GPC5: variants seen among roughly 807,000 people sequenced by gnomAD.
GPC5 encodes glypican 5, also known as glypican-5.
In GPC5, 47 loss-of-function variants were observed where a neutral mutation model predicts 53.9. That is an observed-to-expected ratio of 0.87 (90% CI 0.69 to 1.11). The LOEUF (loss-of-function observed/expected upper bound fraction) is 1.11, where lower values mean the gene tolerates loss of function less well. Ranked by LOEUF, GPC5 falls within the 50% of genes most tolerant of loss-of-function variation. The probability of loss-of-function intolerance (pLI) is 0.00; values close to 1 mark genes in which losing one functional copy is unlikely to be tolerated. For missense variants in GPC5, 748 were observed against 713.1 expected (o/e 1.05, Z -0.56); for synonymous variants, 286 against 263.3 (o/e 1.09, Z -0.84).
chr13:92,380,372 G>A (rs972298898), intron 7 of GPC5, among the ~76,000 whole-genome samples: 1 of 152,138 alleles, frequency 6.6e-6, no homozygotes, highest in Non-Finnish European at 1.5e-5. Flanking sequence ...TGCTCATGTA[G>A]ACTGGAGGAG....
intron 7 of GPC5, among the ~76,000 whole-genome samples, chr13:92,286,392 C>A (rs2042954962): frequency 6.6e-6 from 1 of 152,120 alleles, no homozygotes; most frequent in Non-Finnish European, 1.5e-5. Flanking sequence ...CGGGTATATA[C>A]CCAAAGGATT....
intron 7 of GPC5, among the ~76,000 whole-genome samples, chr13:92,194,791 AATGGTCTTTCTCCAACAAC>A (rs1479572193): frequency 6.6e-6 from 1 of 152,216 alleles, no homozygotes; most frequent in Non-Finnish European, 1.5e-5. Context: ...TTTCACTTCC[AATGGTCTTTCTCCAACAAC>A]ATGGTCTTTC....
chr13:92,748,332 A>C (rs1011686581), intron 7 of GPC5, among the ~76,000 whole-genome samples: 6 of 148,064 alleles, frequency 4.1e-5, no homozygotes, highest in Non-Finnish European at 5.9e-5. Flanking sequence ...TATTATTATT[A>C]TTATTATTAT....
chr13:92,792,383 C>G (rs1042377485), intron 7 of GPC5, among the ~76,000 whole-genome samples: 2 of 152,078 alleles, frequency 1.3e-5, no homozygotes, highest in African/African-American at 4.8e-5. Context: ...ACCAGGCCTG[C>G]CTTACAAGAG....
chr13:92,852,258 G>A (rs1472421136), intron 7 of GPC5, among the ~76,000 whole-genome samples: 1 of 152,174 alleles, frequency 6.6e-6, no homozygotes. Flanking sequence ...ACTCTGGTTT[G>A]ACCATTACGT....
intron 7 of GPC5, among the ~76,000 whole-genome samples, chr13:92,174,365 C>CA (rs5805735): frequency 0.034 from 4,757 of 138,840 alleles, 148 homozygotes; most frequent in African/African-American, 0.091. Context: ...ACTAAAAACA[C>CA]AAAAAAAAAA....
chr13:92,316,344 C>T (rs2043179002), intron 7 of GPC5, among the ~76,000 whole-genome samples: 2 of 152,096 alleles, frequency 1.3e-5, no homozygotes, highest in African/African-American at 4.8e-5. Flanking sequence ...GAAGGTAATA[C>T]TTAAGCATGA....
At chr13:92,438,769 T>A (rs188841103) in intron 7 of GPC5, among the ~76,000 whole-genome samples, 90 of 152,022 alleles carry the variant, frequency 5.9e-4, no homozygotes, top group Middle Eastern at 6.8e-3. Flanking sequence ...TCTAAAACAA[T>A]TGGTAGTTAA....
At chr13:92,256,647 G>A (rs997624986) in intron 7 of GPC5, among the ~76,000 whole-genome samples, 2 of 151,822 alleles carry the variant, frequency 1.3e-5, no homozygotes, top group African/African-American at 2.4e-5. Flanking sequence ...TGACAAGGAA[G>A]AGATGTAATA....
At chr13:91,785,978 C>T (rs1277291678) in intron 5 of GPC5, among the ~76,000 whole-genome samples, 2 of 152,084 alleles carry the variant, frequency 1.3e-5, no homozygotes. Context: ...CTGTCACTCT[C>T]TACTACAATG....
chr13:91,857,669 G>T (rs552615994), intron 5 of GPC5, among the ~76,000 whole-genome samples: 1 of 150,450 alleles, frequency 6.6e-6, no homozygotes, highest in African/African-American at 2.4e-5. Context: ...AAGTTACAAG[G>T]ACATACATAC....
chr13:92,085,882 G>A (rs2041331671), intron 6 of GPC5, among the ~76,000 whole-genome samples: 1 of 152,110 alleles, frequency 6.6e-6, no homozygotes. Flanking sequence ...GAGCCATGAG[G>A]AGCAGCCATA....
intron 7 of GPC5, chr13:92,721,446 A>G (rs1888506230): frequency 6.6e-6 from 1 of 152,132 alleles, no homozygotes; most frequent in South Asian, 2.1e-4. Context: ...ATTCTCTAAG[A>G]AAAGCATGAT....
chr13:91,539,213 C>T (rs1886740013), intron 2 of GPC5, among the ~76,000 whole-genome samples: 1 of 151,934 alleles, frequency 6.6e-6, no homozygotes, highest in African/African-American at 2.4e-5. Flanking sequence ...TTTTTAAAAG[C>T]GTTAAAACAA....
At chr13:91,560,204 G>A (rs2031182792) in intron 2 of GPC5, among the ~76,000 whole-genome samples, 1 of 152,086 alleles carries the variant, frequency 6.6e-6, no homozygotes, top group Admixed American at 6.6e-5. Context: ...TAGAGATATG[G>A]GAGTGGATTT....
At chr13:92,120,350 T>G (rs2041638571) in intron 6 of GPC5, among the ~76,000 whole-genome samples, 2 of 152,274 alleles carry the variant, frequency 1.3e-5, no homozygotes, top group South Asian at 2.1e-4. Context: ...GCCTCGATCT[T>G]CAGCTCAAGT....
At position 92,781,187 on chromosome 13, in the gene GPC5, T is replaced by C. The variant is rs185870689; in HGVS notation, c.1562-85095T>C. 1.8e-3 allele frequency among the ~76,000 whole-genome samples: 279 copies of C among 152,174 alleles called. 1 individual carries two copies. Among genetic ancestry groups the C allele is most frequent in the African/African-American group, 6.5e-3 (272 of 41,564 alleles). On this transcript the variant is annotated intron_variant, in intron 7 of 7. Transcript: ENST00000377067. ...TTGAATTATGTAAACATAACAAACA[T>C]TAGGAAATTTAAATATTAGATGCTT... is the stretch of plus-strand genomic sequence containing the variant.
At chr13:92,828,695 G>A (rs1034639872) in intron 7 of GPC5, among the ~76,000 whole-genome samples, 2 of 152,124 alleles carry the variant, frequency 1.3e-5, no homozygotes, top group African/African-American at 2.4e-5. Flanking sequence ...AGTCCACTAT[G>A]AGGAGGATCA....
At chr13:92,812,067 G>T (rs1877319062) in intron 7 of GPC5, among the ~76,000 whole-genome samples, 2 of 151,612 alleles carry the variant, frequency 1.3e-5, no homozygotes, top group African/African-American at 4.9e-5. Flanking sequence ...AAATTATTTT[G>T]GCCATTTGTG....
Sources: gnomAD v4.1 joint callset for allele counts (sites outside exome capture counted in the v4.1 genomes callset) on GRCh38, gnomAD v4.1.1 for gene constraint, MANE v1.5 for transcripts, NCBI Gene and HGNC (gene_info 2026-07-23, HGNC 2026-07-21) for gene names.